The following PSMD9 variants were observed in gnomAD, a reference collection of about 807,000 sequenced individuals.
PSMD9 encodes the protein proteasome 26S subunit, non-ATPase 9.
A neutral mutation model predicts 25.9 loss-of-function variants in PSMD9; 26 were observed. That is an observed-to-expected ratio of 1.00 (90% confidence interval 0.73 to 1.39). PSMD9 has a LOEUF of 1.39. Ranked by LOEUF, PSMD9 falls within the 40% of genes most tolerant of loss-of-function variation. The probability of loss-of-function intolerance (pLI) is 0.00; values close to 1 mark genes in which losing one functional copy is unlikely to be tolerated. For missense variants in PSMD9, 303 were observed against 299.3 expected (o/e 1.01, Z -0.09); for synonymous variants, 110 against 114.5 (o/e 0.96, Z 0.25).
intron 4 of PSMD9, among the ~76,000 whole-genome samples, chr12:121,907,385 TTTTG>T (rs1310665068): frequency 3.3e-5 from 5 of 151,848 alleles, no homozygotes; most frequent in Non-Finnish European, 7.4e-5. Context: ...TTGTTTTTTT[TTTTG>T]TTTGTTTTTT....
intron 1 of PSMD9, among the ~76,000 whole-genome samples, chr12:121,891,600 A>C (rs1330943374): frequency 6.6e-6 from 1 of 150,412 alleles, no homozygotes; most frequent in Admixed American, 6.6e-5. Flanking sequence ...ACTCCGTCTC[A>C]AGAAAAAAGA....
Position 121,889,004 on chromosome 12 carries a change from G to T in PSMD9, c.138+10G>T. The T allele has an allele frequency of 6.3e-7, 1 of 1,577,520 alleles. No homozygotes were observed. The highest frequency in any genetic ancestry group is 8.6e-7 in the Non-Finnish European group (1 of 1,161,564). ...TGACGTGCTGGAAAGCGTGAGTGTG[G>T]GTTCGGGGCGCCCCAAGTCGCCTAA... On this transcript the variant is annotated intron_variant, in intron 1 of 5. Transcript: ENST00000541212.
rs951054053 is a variant in PSMD9 at position 121,915,886 on chromosome 12, G to T, written c.586G>T (p.Gly196Trp). 1.9e-6 allele frequency: 3 copies of T among 1,613,880 alleles called. No individual in the cohort carries two copies. The highest frequency in any genetic ancestry group is 2.5e-6 in the Non-Finnish European group (3 of 1,179,932). Residue 196 changes from glycine to tryptophan, a missense_variant, in exon 5 of 6, where the codon GGG (glycine) becomes TGG (tryptophan). Transcript: ENST00000541212. ...KPLNVTVIRR[G>W]EKHQLRLVPT... ...CCTGAATGTGACAGTGATCCGCAGGGGGGAAAAACACCAGCTTAGACTTGT... is the reference window on the plus strand; with the variant it reads ...CCTGAATGTGACAGTGATCCGCAGGTGGGAAAAACACCAGCTTAGACTTGT...
At chr12:121,904,155 A>G (rs1879484056) in intron 4 of PSMD9, among the ~76,000 whole-genome samples, 1 of 152,102 alleles carries the variant, frequency 6.6e-6, no homozygotes, top group South Asian at 2.1e-4. Context: ...CTGCACTGAT[A>G]CTGTCATCAA....
intron 4 of PSMD9, among the ~76,000 whole-genome samples, chr12:121,910,151 T>A (rs1879678403): frequency 6.8e-6 from 1 of 146,322 alleles, no homozygotes; most frequent in South Asian, 2.2e-4. Context: ...AGCGGCATGA[T>A]CTCAGCTCAC....
intron 1 of PSMD9, among the ~76,000 whole-genome samples, chr12:121,890,276 C>T (rs1879029199): frequency 6.6e-6 from 1 of 152,112 alleles, no homozygotes; most frequent in South Asian, 2.1e-4. Flanking sequence ...TGACTATATG[C>T]TCAAAGTGGG....
chr12:121,893,656 A>T (rs1040970565), intron 1 of PSMD9, among the ~76,000 whole-genome samples: 2 of 152,088 alleles, frequency 1.3e-5, no homozygotes, highest in Non-Finnish European at 2.9e-5. Context: ...GTGTCACTTG[A>T]ACCTCTGCCT....
At position 121,899,825 on chromosome 12, in the gene PSMD9, G is replaced by A. The variant is rs150787302; in HGVS notation, c.433G>A (p.Gly145Ser). 2.8e-5 allele frequency: 45 copies of A among 1,614,004 alleles called. No individual in the cohort carries two copies. Among genetic ancestry groups the A allele is most frequent in the Non-Finnish European group, 3.5e-5 (41 of 1,179,910 alleles). Residue 145 changes from glycine to serine, a missense_variant, in exon 3 of 6, where the codon GGC (glycine) becomes AGC (serine). Physicochemically the swap from Gly to Ser is moderately conservative, Grantham distance 56. Coordinates refer to ENST00000541212, the MANE Select transcript of PSMD9 (RefSeq NM_002813.7). Reference protein sequence around the residue: ...AFAKVNSISPGSPASIAGLQV... With the variant: ...AFAKVNSISPSSPASIAGLQV... The stretch of plus-strand genomic sequence containing the variant: ...CGCCAAAGTGAACAGCATCAGCCCC[G>A]GCTCCCCAGCCAGCATCGCGGTAAT...
chr12:121,915,884 G>C lies in PSMD9; in HGVS notation c.584G>C (p.Arg195Thr), dbSNP rs1010303234. 1.2e-6 allele frequency: 2 copies of C among 1,613,692 alleles called. No individual in the cohort carries two copies. The highest frequency in any genetic ancestry group is 8.5e-7 in the Non-Finnish European group (1 of 1,179,808). Residue 195 changes from arginine (R) to threonine (T), a missense_variant, in exon 5 of 6, where the codon AGG (arginine) becomes ACG (threonine). By Grantham distance (71) the Arg-to-Thr change is moderately conservative. Transcript: ENST00000541212. ...GKPLNVTVIRRGEKHQLRLVP... is the reference protein window; with the variant it reads ...GKPLNVTVIRTGEKHQLRLVP... ...CCCCTGAATGTGACAGTGATCCGCA[G>C]GGGGGAAAAACACCAGCTTAGACTT...
chr12:121,888,839 C>G lies in PSMD9; in HGVS notation c.-18C>G, dbSNP rs1464019676. ...AGCCCGGGAGCCGGGTCTCTGGAGT[C>G]GCGGCCCGGGGTTCACGATGTCCGA... On this transcript the variant is annotated 5_prime_UTR_variant, in exon 1 of 6. Transcript: ENST00000541212. 2 of 1,596,506 alleles carry G rather than the reference C, an allele frequency of 1.3e-6. No individual in the cohort carries two copies. Among genetic ancestry groups the G allele is most frequent in the East Asian group, 2.3e-5 (1 of 44,266 alleles).
At chr12:121,903,654 A>G (rs58379261) in intron 4 of PSMD9, among the ~76,000 whole-genome samples, 37,830 of 151,364 alleles carry the variant, frequency 0.25, 5,906 homozygotes, top group East Asian at 0.51. Flanking sequence ...CACTGGTGAC[A>G]TGCTCGCAGG....
At chr12:121,894,616 C>T (rs989496998) in intron 1 of PSMD9, 123 bp from the exon 2 acceptor site, 5 of 758,268 alleles carry the variant, frequency 6.6e-6, no homozygotes, top group Non-Finnish European at 1.1e-5. Context: ...TGTAAGTGAT[C>T]AGTATGTGGC....
At chr12:121,913,023 G>T (rs1204941971) in intron 4 of PSMD9, among the ~76,000 whole-genome samples, 1 of 147,148 alleles carries the variant, frequency 6.8e-6, no homozygotes, top group East Asian at 2.1e-4. Flanking sequence ...TGCAAACTCC[G>T]CCTCCTGGGT....
chr12:121,900,097 T>C (rs868024269), intron 3 of PSMD9, among the ~76,000 whole-genome samples: 6 of 152,194 alleles, frequency 3.9e-5, no homozygotes, highest in Non-Finnish European at 5.9e-5. Flanking sequence ...CAGAAGATGA[T>C]AAATGTCCCA....
rs757656020 is a variant in PSMD9, at chr12:121,888,855, C to A, written c.-2C>A. 2.5e-6 allele frequency: 4 copies of A among 1,601,858 alleles called. No individual in the cohort carries two copies. The highest frequency in any genetic ancestry group is 3.4e-6 in the Non-Finnish European group (4 of 1,175,326). ...CTCTGGAGTCGCGGCCCGGGGTTCA[C>A]GATGTCCGACGAGGAAGCGAGGCAG... On this transcript the variant is annotated 5_prime_UTR_variant, in exon 1 of 6. Coordinates refer to ENST00000541212, the MANE Select transcript of PSMD9 (RefSeq NM_002813.7).
chr12:121,890,235 C>T (rs1006727392), intron 1 of PSMD9, among the ~76,000 whole-genome samples: 2 of 151,942 alleles, frequency 1.3e-5, no homozygotes, highest in Non-Finnish European at 2.9e-5. Context: ...AAGTTTCATA[C>T]GGAGGGCCAG....
At chr12:121,904,639 T>TTTATTATTATTATTA (rs71082909) in intron 4 of PSMD9, among the ~76,000 whole-genome samples, 23,289 of 138,688 alleles carry the variant, frequency 0.17, 2,370 homozygotes, top group Middle Eastern at 0.24. Flanking sequence ...CCATCTGAAA[T>TTTATTATTATTATTA]TTATTATTAT....
In PSMD9 at chr12:121,901,666, C is replaced by CTTTT. The variant is rs563939839; in HGVS notation, c.454-1316_454-1313dup. Among the ~76,000 whole-genome samples, 36 of 93,604 alleles carry CTTTT rather than the reference C, an allele frequency of 3.8e-4. 2 individuals carry two copies. Among genetic ancestry groups the CTTTT allele is most frequent in the African/African-American group, 1.8e-3 (30 of 16,984 alleles). The allele number at this position is 93,604 out of a possible 152,430, so 61.4% of individuals were successfully genotyped here. A position where few individuals can be genotyped will look rare whatever the true frequency, so the allele number is the denominator to read the frequency against. On this transcript the variant is annotated intron_variant, in intron 3 of 5. Transcript: ENST00000541212. ...TGTCATGCCTGGCCCTTCATTCCTT[C>CTTTT]TTTTTTTTTTTTTTTTTTTTTTTTT... is the stretch of plus-strand genomic sequence containing the variant.
chr12:121,913,117 T>C (rs984533203), intron 4 of PSMD9, among the ~76,000 whole-genome samples: 2 of 151,638 alleles, frequency 1.3e-5, no homozygotes, highest in African/African-American at 4.8e-5. Flanking sequence ...TTTTTGTGTG[T>C]GTATTTTTAG....
Sources: allele counts gnomAD v4.1 joint callset (sites outside exome capture counted in the v4.1 genomes callset), GRCh38; gene constraint gnomAD v4.1.1; transcripts MANE v1.5; gene names NCBI Gene and HGNC (gene_info 2026-07-23, HGNC 2026-07-21).